STAU2: variants seen among roughly 807,000 people sequenced by gnomAD.
STAU2 encodes double-stranded RNA-binding protein Staufen homolog 2.
STAU2 carries 20 observed loss-of-function variants against 65.9 expected under a neutral mutation model. The observed-to-expected ratio is 0.30, with a 90% confidence interval of 0.21 to 0.44. The LOEUF (loss-of-function observed/expected upper bound fraction) is 0.44, where lower values mean the gene tolerates loss of function less well. Among genes scored for constraint, STAU2 ranks in the 20% least tolerant of loss-of-function variants. STAU2 has a pLI of 1.00. For synonymous variants in STAU2, 232 were observed against 233.9 expected, an observed-to-expected ratio of 0.99 and a Z score of 0.07; for missense variants, 558 against 683.9, an observed-to-expected ratio of 0.82 and a Z score of 2.05.
chr8:73,582,763 AACTT>A lies in STAU2; in HGVS notation c.1222+3_1222+6del. 1 of 1,612,934 alleles carries A rather than the reference AACTT, an allele frequency of 6.2e-7. No homozygotes were observed. The highest frequency in any genetic ancestry group is 8.5e-7 in the Non-Finnish European group (1 of 1,179,184). On this transcript the variant is annotated splice_donor_5th_base_variant and intron_variant, in intron 12 of 14. Coordinates refer to ENST00000524300, the MANE Select transcript of STAU2 (RefSeq NM_001164380.2). ...CAAGTGCAGACAACATAAAAATGAG[AACTT>A]ACTATTATTTGTTGGTTCAGGAAAC...
intron 13 of STAU2, among the ~76,000 whole-genome samples, chr8:73,529,510 C>T (rs574298093): frequency 1.3e-5 from 2 of 152,216 alleles, no homozygotes; most frequent in Non-Finnish European, 2.9e-5. Context: ...TCTATGTCAG[C>T]TGACTTAATG....
intron 1 of STAU2, among the ~76,000 whole-genome samples, chr8:73,741,302 C>T (rs1445127215): frequency 4.1e-5 from 3 of 73,288 alleles, no homozygotes; most frequent in African/African-American, 3.0e-4. Flanking sequence ...AAGACTCCGT[C>T]TCAAAAAAAA....
intron 13 of STAU2, among the ~76,000 whole-genome samples, chr8:73,547,987 T>A (rs2128941040): frequency 8.4e-6 from 1 of 119,464 alleles, no homozygotes; most frequent in East Asian, 2.1e-4. Flanking sequence ...TTATAAGGCA[T>A]CTAGACATGA....
At chr8:73,662,710 G>A (rs758361533) in intron 6 of STAU2, among the ~76,000 whole-genome samples, 61 of 152,144 alleles carry the variant, frequency 4.0e-4, no homozygotes, top group Middle Eastern at 6.8e-3. Flanking sequence ...TCTGCCTCCC[G>A]GGTTCAAGCA....
intron 6 of STAU2, among the ~76,000 whole-genome samples, chr8:73,631,448 T>C (rs1181581790): frequency 1.3e-5 from 2 of 150,456 alleles, no homozygotes; most frequent in Non-Finnish European, 3.0e-5. Context: ...GTGCAGAAGA[T>C]AAGCTGATAA....
chr8:73,720,283 A>T (rs1821549911), intron 3 of STAU2, among the ~76,000 whole-genome samples: 2 of 151,838 alleles, frequency 1.3e-5, no homozygotes, highest in African/African-American at 2.4e-5. Context: ...AAAAAAAGCT[A>T]TTCAGGTTAT....
chr8:73,725,932 T>C (rs1805588853), intron 3 of STAU2, among the ~76,000 whole-genome samples: 1 of 151,698 alleles, frequency 6.6e-6, no homozygotes, highest in African/African-American at 2.4e-5. Flanking sequence ...AAGACCTGTC[T>C]CAACAACAAC....
intron 3 of STAU2, among the ~76,000 whole-genome samples, chr8:73,719,604 T>C (rs1394359217): frequency 1.3e-5 from 2 of 152,254 alleles, no homozygotes; most frequent in South Asian, 2.1e-4. Flanking sequence ...TTCATTAATA[T>C]GTTAAATTAC....
intron 6 of STAU2, among the ~76,000 whole-genome samples, chr8:73,645,486 C>A (rs1040289451): frequency 2.5e-5 from 3 of 118,138 alleles, no homozygotes; most frequent in Non-Finnish European, 6.3e-5. Context: ...TAAAATCAGA[C>A]TTAATGGTGA....
chr8:73,612,700 A>G (rs918231551), intron 9 of STAU2, among the ~76,000 whole-genome samples: 3 of 152,252 alleles, frequency 2.0e-5, no homozygotes. Context: ...AAATAAAGGT[A>G]CAAAGGTATA....
intron 13 of STAU2, among the ~76,000 whole-genome samples, chr8:73,471,109 TC>T (rs1190582320): frequency 6.6e-6 from 1 of 151,844 alleles, no homozygotes; most frequent in African/African-American, 2.4e-5. Context: ...AAGGTTTTTT[TC>T]CTCTTTCTTT....
intron 12 of STAU2, among the ~76,000 whole-genome samples, chr8:73,569,973 G>T (rs1808920134): frequency 6.6e-6 from 1 of 152,220 alleles, no homozygotes; most frequent in South Asian, 2.1e-4. Context: ...ACTTCTACAA[G>T]TTGAGAGAAG....
At chr8:73,681,542 T>C (rs1818433279) in intron 5 of STAU2, among the ~76,000 whole-genome samples, 1 of 152,050 alleles carries the variant, frequency 6.6e-6, no homozygotes, top group Admixed American at 6.6e-5. Flanking sequence ...ACAGGGCCTA[T>C]AAAACAATAA....
intron 13 of STAU2, among the ~76,000 whole-genome samples, chr8:73,514,568 A>G (rs1822601553): frequency 1.3e-5 from 2 of 152,112 alleles, no homozygotes; most frequent in African/African-American, 4.8e-5. Context: ...TGTTTCCCCT[A>G]TGTGGAATGT....
chr8:73,599,331 A>G (rs1256258219), intron 10 of STAU2, among the ~76,000 whole-genome samples: 1 of 152,202 alleles, frequency 6.6e-6, no homozygotes, highest in African/African-American at 2.4e-5. Context: ...AAGGAAAGTC[A>G]CAACACAAGA....
intron 13 of STAU2, among the ~76,000 whole-genome samples, chr8:73,431,452 C>T (rs1490734851): frequency 2.6e-5 from 4 of 152,216 alleles, no homozygotes; most frequent in Admixed American, 2.6e-4. Context: ...AAGTGGATGA[C>T]ATTTCCTTTC....
At chr8:73,539,216 C>A (rs1415388895) in intron 13 of STAU2, among the ~76,000 whole-genome samples, 1 of 152,090 alleles carries the variant, frequency 6.6e-6, no homozygotes, top group Non-Finnish European at 1.5e-5. Context: ...TGTTAGGATG[C>A]AATCCAACAT....
chr8:73,598,769 T>C (rs1811405281), intron 10 of STAU2, among the ~76,000 whole-genome samples: 2 of 152,098 alleles, frequency 1.3e-5, no homozygotes, highest in Admixed American at 6.5e-5. Flanking sequence ...ATATAAGGAA[T>C]CTAAGAAACT....
At chr8:73,492,752 C>T (rs1821211853) in intron 13 of STAU2, among the ~76,000 whole-genome samples, 1 of 151,852 alleles carries the variant, frequency 6.6e-6, no homozygotes, top group Non-Finnish European at 1.5e-5. Flanking sequence ...TGCACTCATC[C>T]TTTGACCCAA....
Sources: gnomAD v4.1 joint callset for allele counts (sites outside exome capture counted in the v4.1 genomes callset) on GRCh38, gnomAD v4.1.1 for gene constraint, MANE v1.5 for transcripts, NCBI Gene and HGNC (gene_info 2026-07-23, HGNC 2026-07-21) for gene names.